The following LRRC63 variants were observed in gnomAD, a reference collection of about 807,000 sequenced individuals.
LRRC63 encodes the protein leucine-rich repeat-containing protein 63.
Under a neutral mutation model 49.5 loss-of-function variants are expected in LRRC63, and 40 were observed. The ratio of observed to expected loss-of-function variants is 0.81; its 90% CI spans 0.63 to 1.05. The LOEUF is 1.05. LRRC63 is among the 50% of genes least tolerant of loss of function. The pLI, the probability that LRRC63 is intolerant of heterozygous loss-of-function variation, is 0.00. For missense variants in LRRC63, 636 were observed against 663.1 expected (o/e 0.96, Z 0.45); for synonymous variants, 191 against 221.1 (o/e 0.86, Z 1.21).
chr13:46,228,224 T>C, intron 3 of LRRC63, 35 bp downstream of exon 3: 2 of 1,448,806 alleles, frequency 1.4e-6, no homozygotes, highest in Non-Finnish European at 1.8e-6. Context: ...AATTATAGAG[T>C]CAAGTAGAGC....
At chr13:46,265,605 G>C (rs2047674529) in intron 8 of LRRC63, among the ~76,000 whole-genome samples, 1 of 152,158 alleles carries the variant, frequency 6.6e-6, no homozygotes, top group South Asian at 2.1e-4. Context: ...CTCCTGCCCT[G>C]ATCTAGTCAC....
intron 7 of LRRC63, among the ~76,000 whole-genome samples, chr13:46,261,682 T>C (rs2047617129): frequency 6.6e-6 from 1 of 152,188 alleles, no homozygotes; most frequent in Non-Finnish European, 1.5e-5. Flanking sequence ...TTTTTCTAAA[T>C]AGGGCTTTGT....
intron 5 of LRRC63, among the ~76,000 whole-genome samples, chr13:46,239,959 T>A (rs1411696532): frequency 2.0e-5 from 3 of 152,120 alleles, no homozygotes; most frequent in Non-Finnish European, 2.9e-5. Context: ...CATCACTACA[T>A]GTTAAACACT....
chr13:46,260,174 T>C (rs1594091473), intron 7 of LRRC63, among the ~76,000 whole-genome samples: 1 of 152,132 alleles, frequency 6.6e-6, no homozygotes, highest in Admixed American at 6.5e-5. Flanking sequence ...ATGTCATCCA[T>C]AGTGAAAGCC....
intron 2 of LRRC63, among the ~76,000 whole-genome samples, chr13:46,224,622 C>T (rs2046514125): frequency 1.3e-5 from 2 of 152,140 alleles, no homozygotes; most frequent in Admixed American, 6.5e-5. Context: ...TTGGAAGTTT[C>T]ATATTTCCTT....
chr13:46,242,595 C>G (rs774010992), intron 5 of LRRC63, among the ~76,000 whole-genome samples: 1 of 151,996 alleles, frequency 6.6e-6, no homozygotes, highest in Non-Finnish European at 1.5e-5. Flanking sequence ...AGATTAAATG[C>G]AGGAGGAATT....
chr13:46,265,244 T>G (rs2047668863), intron 8 of LRRC63, among the ~76,000 whole-genome samples: 1 of 152,020 alleles, frequency 6.6e-6, no homozygotes, highest in Non-Finnish European at 1.5e-5. Context: ...TCCTCCGAGG[T>G]AAACCAACTC....
chr13:46,266,978 C>T lies in LRRC63; in HGVS notation c.1550+6C>T. Reference sequence around the variant, plus strand: ...GTTCAGAAGTTACTAAAATGGTGAGCAAATGCTGAAGCCCTTTTAACCAAA... The same window carrying T: ...GTTCAGAAGTTACTAAAATGGTGAGTAAATGCTGAAGCCCTTTTAACCAAA... On this transcript the variant is annotated splice_donor_region_variant and intron_variant, in intron 9 of 9. Coordinates refer to ENST00000595396, the Ensembl canonical transcript of LRRC63. 3.3e-6 allele frequency: 5 copies of T among 1,519,436 alleles called. No homozygotes were observed. The highest frequency in any genetic ancestry group is 4.4e-6 in the Non-Finnish European group (5 of 1,134,288). 94.1% of individuals were successfully genotyped at this position (1,519,436 alleles called of 1,614,324 possible). A position where few individuals can be genotyped will look rare whatever the true frequency, so the allele number is the denominator to read the frequency against.
Position 46,272,034 on chromosome 13 carries a change from T to A in LRRC63, c.1551-4556T>A, listed in dbSNP as rs2047766942. ...CTACTGTTGCACTTTGGGGCAATAT[T>A]AAGTAAAATAAGGGTTACCTAAACA... is the stretch of plus-strand genomic sequence containing the variant. On this transcript the variant is annotated intron_variant, in intron 9 of 9. Coordinates refer to ENST00000595396, the Ensembl canonical transcript of LRRC63. 2.0e-5 allele frequency among the ~76,000 whole-genome samples: 3 copies of A among 152,306 alleles called. No individual in the cohort carries two copies. The South Asian group carries it at 6.2e-4, about 32-fold the overall frequency.
intron 7 of LRRC63, among the ~76,000 whole-genome samples, chr13:46,259,755 A>T (rs887342902): frequency 3.9e-5 from 6 of 152,202 alleles, no homozygotes; most frequent in Non-Finnish European, 8.8e-5. Flanking sequence ...CATTTTTTTA[A>T]CCTGTAAAAA....
chr13:46,266,812 A>G (rs903963547), exon 9 of LRRC63: 36 of 1,550,262 alleles, frequency 2.3e-5, no homozygotes, highest in Middle Eastern at 1.7e-4. Context: ...CCTGACAAAA[A>G]TTCAGTTTGA....
exon 1 of LRRC63, chr13:46,212,090 A>G (rs375240137): frequency 1.3e-5 from 2 of 152,276 alleles, no homozygotes; most frequent in Admixed American, 1.3e-4. Context: ...GAGATAGGAG[A>G]CGAAAAGCCA....
chr13:46,219,929 G>A (rs548927677), intron 2 of LRRC63, among the ~76,000 whole-genome samples: 4 of 152,180 alleles, frequency 2.6e-5, no homozygotes, highest in Admixed American at 1.3e-4. Context: ...TATCACCAGC[G>A]GAGCCTGCAG....
chr13:46,253,330 G>T (rs1261114094), intron 7 of LRRC63, among the ~76,000 whole-genome samples: 1 of 151,946 alleles, frequency 6.6e-6, no homozygotes, highest in Non-Finnish European at 1.5e-5. Flanking sequence ...TAAGCATTGG[G>T]TTCAGATTGT....
chr13:46,239,806 A>T lies in LRRC63; in HGVS notation c.990+5457A>T, dbSNP rs139542465. 3.5e-3 allele frequency among the ~76,000 whole-genome samples: 537 copies of T among 152,354 alleles called. 1 individual carries two copies. Among genetic ancestry groups the T allele is most frequent in the Middle Eastern group, 0.017 (5 of 294 alleles). ...CACATCAAAAAGTTTATCTACCATGATCAAGTAGACTTTATCCCTGGGATG... is the reference window on the plus strand; with the variant it reads ...CACATCAAAAAGTTTATCTACCATGTTCAAGTAGACTTTATCCCTGGGATG... On this transcript the variant is annotated intron_variant, in intron 5 of 9. Coordinates refer to ENST00000595396, the Ensembl canonical transcript of LRRC63.
intron 5 of LRRC63, among the ~76,000 whole-genome samples, chr13:46,235,889 G>T (rs2138445941): frequency 6.6e-6 from 1 of 152,164 alleles, no homozygotes; most frequent in South Asian, 2.1e-4. Context: ...GAGCTAAAAA[G>T]AATAATGTGT....
At chr13:46,234,785 A>G (rs1164651248) in intron 5 of LRRC63, among the ~76,000 whole-genome samples, 1 of 152,196 alleles carries the variant, frequency 6.6e-6, no homozygotes, top group African/African-American at 2.4e-5. Flanking sequence ...CGTAAGTATT[A>G]TAATCTTTAC....
chr13:46,246,683 T>A, intron 6 of LRRC63, 58 bp downstream of exon 6: 1 of 786,162 alleles, frequency 1.3e-6, no homozygotes, highest in Non-Finnish European at 1.8e-6. Flanking sequence ...ATAATTATAA[T>A]AAAAATAGAC....
intron 7 of LRRC63, among the ~76,000 whole-genome samples, chr13:46,258,118 C>G (rs958309732): frequency 3.4e-5 from 5 of 146,550 alleles, no homozygotes; most frequent in Non-Finnish European, 7.4e-5. Context: ...AAGCCAGTGA[C>G]CTACTCTTTT....
Sources: allele counts gnomAD v4.1 joint callset (sites outside exome capture counted in the v4.1 genomes callset), GRCh38; gene constraint gnomAD v4.1.1; transcripts MANE v1.5; gene names NCBI Gene and HGNC (gene_info 2026-07-23, HGNC 2026-07-21).